The following PCDHA7 variants were observed in gnomAD, a reference collection of about 807,000 sequenced individuals.
The protein encoded by PCDHA7 is protocadherin alpha-7.
PCDHA7 carries 37 observed loss-of-function variants against 57.2 expected under a neutral mutation model. The observed-to-expected ratio is 0.65, with a 90% CI of 0.50 to 0.85. PCDHA7 has a LOEUF of 0.85. PCDHA7 is among the 40% of genes least tolerant of loss of function. The probability of loss-of-function intolerance (pLI) is 0.00; values close to 1 mark genes in which losing one functional copy is unlikely to be tolerated. For synonymous variants in PCDHA7, 553 were observed against 558.8 expected, an observed-to-expected ratio of 0.99 and a Z score of 0.15; for missense variants, 1,188 against 1,241.8, an observed-to-expected ratio of 0.96 and a Z score of 0.65.
chr5:140,946,611 AATATAT>A (rs1554217734), intron 1 of PCDHA7, among the ~76,000 whole-genome samples: 5 of 86,812 alleles, frequency 5.8e-5, no homozygotes, highest in African/African-American at 2.5e-4. Context: ...GAAAATGTGA[AATATAT>A]ATATATATAT....
At chr5:140,885,313 A>G (rs2060560221) in intron 1 of PCDHA7, among the ~76,000 whole-genome samples, 1 of 152,144 alleles carries the variant, frequency 6.6e-6, no homozygotes, top group East Asian at 1.9e-4. Flanking sequence ...GCTTTTTGTT[A>G]TTATTTCTTT....
chr5:140,850,964 C>A, intron 1 of PCDHA7: 1 of 1,468,876 alleles, frequency 6.8e-7, no homozygotes, highest in South Asian at 1.4e-5. Context: ...TCCCAGGGGC[C>A]GTTCAAATAG....
chr5:140,968,979 G>A (rs782482075), intron 1 of PCDHA7: 6 of 1,614,042 alleles, frequency 3.7e-6, no homozygotes, highest in South Asian at 3.3e-5. Context: ...ACTGCGTATG[G>A]CACTGCATGC....
In PCDHA7 at chr5:141,011,172, A is replaced by G. The variant is rs377766708; in HGVS notation, c.*1235A>G. On this transcript the variant is annotated 3_prime_UTR_variant, in exon 4 of 4. Transcript: ENST00000525929. ...TCTAACCAACTATATATCAAGACCC[A>G]AAAATTGAAGAAAAATATTGTTTTC... 53 of 153,852 alleles carry G rather than the reference A, an allele frequency of 3.4e-4. No individual in the cohort carries two copies. Among genetic ancestry groups the G allele is most frequent in the African/African-American group, 1.2e-3 (51 of 41,568 alleles). 9.5% of individuals were successfully genotyped at this position (153,852 alleles called of 1,614,324 possible).
intron 1 of PCDHA7, among the ~76,000 whole-genome samples, chr5:140,839,820 G>A (rs899482827): frequency 6.6e-6 from 1 of 151,928 alleles, no homozygotes; most frequent in Non-Finnish European, 1.5e-5. Context: ...CTACTATGAA[G>A]GCATTCATGA....
At chr5:140,837,816 A>G (rs1775270589) in intron 1 of PCDHA7, among the ~76,000 whole-genome samples, 1 of 151,680 alleles carries the variant, frequency 6.6e-6, no homozygotes, top group Non-Finnish European at 1.5e-5. Flanking sequence ...AGCTGGGAAT[A>G]CAGTTTGCAT....
At chr5:140,883,121 G>A in intron 1 of PCDHA7, 3 of 1,614,070 alleles carry the variant, frequency 1.9e-6, no homozygotes, top group Non-Finnish European at 2.5e-6. Context: ...TAGAAGGCCT[G>A]TATGGCCTGC....
chr5:140,890,192 T>G (rs2062533503), intron 1 of PCDHA7, among the ~76,000 whole-genome samples: 1 of 151,744 alleles, frequency 6.6e-6, no homozygotes, highest in South Asian at 2.1e-4. Flanking sequence ...CAAAACAGAG[T>G]TTTTTGTTTT....
intron 1 of PCDHA7, among the ~76,000 whole-genome samples, chr5:140,975,450 G>T (rs1175028711): frequency 6.6e-6 from 1 of 152,174 alleles, no homozygotes. Context: ...AGGGATCTTG[G>T]GGCCATCTTG....
Position 140,862,369 on chromosome 5 carries a change from C to A in PCDHA7, c.2355+25631C>A, listed in dbSNP as rs1265761765. On this transcript the variant is annotated intron_variant, in intron 1 of 3. Coordinates refer to ENST00000525929, the MANE Select transcript of PCDHA7 (RefSeq NM_018910.3). ...GTGCCAAGGGACAGACGACCCGCAC[C>A]CTGACTCCTCACGTCTCTTCAAGCT... The A allele has an allele frequency of 1.8e-5, 6 of 341,324 alleles. No individual in the cohort carries two copies. In the Admixed American group the frequency reaches 2.3e-4, roughly 13 times the overall value. The allele number at this position is 341,324 out of a possible 1,614,324, so 21.1% of individuals were successfully genotyped here. A position where few individuals can be genotyped will look rare whatever the true frequency, so the allele number is the denominator to read the frequency against.
intron 1 of PCDHA7, among the ~76,000 whole-genome samples, chr5:140,971,488 A>AG (rs1338536132): frequency 1.3e-5 from 2 of 152,222 alleles, no homozygotes; most frequent in African/African-American, 4.8e-5. Flanking sequence ...ACATTGTTAC[A>AG]GTGTGGCAAG....
rs1005130215 is a variant in PCDHA7 at position 140,976,643 on chromosome 5, A to G, written c.2356-2306A>G. On this transcript the variant is annotated intron_variant, in intron 1 of 3. Coordinates refer to ENST00000525929, the MANE Select transcript of PCDHA7 (RefSeq NM_018910.3). ...AGCTGAACTCAGCAATCAGACAAGT[A>G]ATTTAATCTCTCCAAAGTTCAGATG... Among the ~76,000 whole-genome samples the G allele has an allele frequency of 2.0e-5, 3 of 152,236 alleles. No homozygotes were observed. In the South Asian group the frequency reaches 6.2e-4, roughly 31 times the overall value.
intron 1 of PCDHA7, chr5:140,876,134 A>T: frequency 6.2e-7 from 1 of 1,613,962 alleles, no homozygotes; most frequent in Non-Finnish European, 8.5e-7. Flanking sequence ...GGTAAACCAG[A>T]ACTAACAGGG....
intron 1 of PCDHA7, among the ~76,000 whole-genome samples, chr5:140,893,013 CCTGACTTATTTCA>C (rs2063781212): frequency 6.6e-6 from 1 of 152,170 alleles, no homozygotes; most frequent in African/African-American, 2.4e-5. Context: ...TTTTTCTGTG[CCTGACTTATTTCA>C]CTTAACATAT....
chr5:140,877,321 G>A (rs1554169599), intron 1 of PCDHA7: 2 of 1,614,000 alleles, frequency 1.2e-6, no homozygotes, highest in South Asian at 2.2e-5. Context: ...GGCGGCGGTC[G>A]GCGCGCACAT....
intron 1 of PCDHA7, among the ~76,000 whole-genome samples, chr5:140,962,354 A>G (rs80298031): frequency 0.023 from 3,560 of 152,266 alleles, 46 homozygotes; most frequent in Middle Eastern, 0.034. Context: ...ACTCCCCCCA[A>G]TACTGGCTAG....
At chr5:140,954,183 A>T (rs246025) in intron 1 of PCDHA7, among the ~76,000 whole-genome samples, 85,732 of 152,134 alleles carry the variant, frequency 0.56, 24,791 homozygotes, top group African/African-American at 0.69. Flanking sequence ...CCAGTCTATC[A>T]TTGATGGGCA....
At chr5:140,876,935 C>G in intron 1 of PCDHA7, 1 of 1,613,746 alleles carries the variant, frequency 6.2e-7, no homozygotes, top group Non-Finnish European at 8.5e-7. Flanking sequence ...CAGAAGAACG[C>G]GCTGGTGTCC....
At chr5:140,972,925 G>T (rs1297920795) in intron 1 of PCDHA7, among the ~76,000 whole-genome samples, 1 of 152,120 alleles carries the variant, frequency 6.6e-6, no homozygotes, top group Non-Finnish European at 1.5e-5. Context: ...GCCTCCCAAA[G>T]TGCTGGGATT....
Sources: allele counts gnomAD v4.1 joint callset (sites outside exome capture counted in the v4.1 genomes callset), GRCh38; gene constraint gnomAD v4.1.1; transcripts MANE v1.5; gene names NCBI Gene and HGNC (gene_info 2026-07-23, HGNC 2026-07-21).